The following RIBC1 variants were observed in gnomAD, a reference collection of about 807,000 sequenced individuals.
RIBC1 encodes RIB43A domain with coiled-coils 1, also known as RIB43A-like with coiled-coils protein 1.
RIBC1 carries 12 observed loss-of-function variants against 33.7 expected under a neutral mutation model. That is an observed-to-expected ratio of 0.36 (90% CI 0.23 to 0.58). The LOEUF (loss-of-function observed/expected upper bound fraction) is 0.58, where lower values mean the gene tolerates loss of function less well. Ranked by LOEUF, RIBC1 falls within the 20% of genes least tolerant of loss-of-function variation. RIBC1 has a pLI of 0.81. For synonymous variants in RIBC1, 89 were observed against 109.0 expected, an observed-to-expected ratio of 0.82 and a Z score of 1.14; for missense variants, 242 against 311.6, an observed-to-expected ratio of 0.78 and a Z score of 1.68.
At chrX:53,425,546 G>A (rs868928123) in intron 2 of RIBC1, among the ~76,000 whole-genome samples, 1 of 106,172 alleles carries the variant, frequency 9.4e-6, no homozygotes, top group Non-Finnish European at 1.9e-5. Flanking sequence ...AAAAAAGGGT[G>A]GGGGGACATA....
Position 53,431,050 on chromosome X carries a change from A to G in RIBC1, c.*62A>G, listed in dbSNP as rs1250635308. ...TCAAGCTCACAGGTGGTTAGGAGTC[A>G]AAGAGAAAAATGCTGCATACTCCCA... On this transcript the variant is annotated 3_prime_UTR_variant, in exon 8 of 8. Coordinates refer to ENST00000375327, the MANE Select transcript of RIBC1 (RefSeq NM_001031745.5). 12 of 1,204,573 alleles carry G rather than the reference A, an allele frequency of 1.0e-5. No individual in the cohort carries two copies. The highest frequency in any genetic ancestry group is 1.3e-5 in the Non-Finnish European group (12 of 891,719).
intron 5 of RIBC1, chrX:53,429,376 T>C (rs2075809604): frequency 8.6e-6 from 1 of 116,854 alleles, no homozygotes; most frequent in African/African-American, 3.2e-5. Flanking sequence ...AAAATGTATT[T>C]CAAGGATCAC....
rs368340933 is a variant in RIBC1, at chrX:53,425,241, G to A, written c.1-1036G>A. Among the ~76,000 whole-genome samples the A allele has an allele frequency of 2.0e-4, 22 of 111,175 alleles. No homozygotes were observed. The East Asian group carries it at 2.5e-3, about 13-fold the overall frequency. On this transcript the variant is annotated intron_variant, in intron 2 of 7. Coordinates refer to ENST00000375327, the MANE Select transcript of RIBC1 (RefSeq NM_001031745.5). ...AGCTTGCCTGGAGCACTGTAAGCAA[G>A]GGAGACAGTGGTTTGAGACAAATTG...
chrX:53,428,914 T>A (rs966129334), intron 5 of RIBC1: 6 of 759,528 alleles, frequency 7.9e-6, no homozygotes, highest in Non-Finnish European at 1.0e-5. Context: ...AAATGAATTT[T>A]CCCTTCTGTG....
At chrX:53,425,630 A>C (rs2075787700) in intron 2 of RIBC1, among the ~76,000 whole-genome samples, 1 of 110,263 alleles carries the variant, frequency 9.1e-6, no homozygotes. Context: ...CTGGAATACC[A>C]ACATGGAGAC....
chrX:53,429,798 G>A lies in RIBC1; in HGVS notation c.545-56G>A, dbSNP rs1472773845. The stretch of plus-strand genomic sequence containing the variant: ...ACTTGCTGAACAAATGGCTGGATGA[G>A]TGAAACAGGAATGGAGCAAGCCAGT... On this transcript the variant is annotated intron_variant, in intron 5 of 7. Transcript: ENST00000375327. The A allele has an allele frequency of 2.6e-6, 3 of 1,164,985 alleles. No individual in the cohort carries two copies. The African/African-American group carries it at 5.3e-5, about 21-fold the overall frequency.
At position 53,429,638 on chromosome X, in the gene RIBC1, T is replaced by C. The variant is rs781789842; in HGVS notation, c.545-216T>C. 4 of 993,700 alleles carry C rather than the reference T, an allele frequency of 4.0e-6. No individual in the cohort carries two copies. In the East Asian group the frequency reaches 1.4e-4, roughly 35 times the overall value. 81.9% of individuals were successfully genotyped at this position (993,700 alleles called of 1,213,427 possible). ...AGCTCAGAAGCAGCAGAACTGACAT[T>C]GGGACCCAGGTCCATTGGAGGCATC... On this transcript the variant is annotated intron_variant, in intron 5 of 7. Coordinates refer to ENST00000375327, the MANE Select transcript of RIBC1 (RefSeq NM_001031745.5).
At position 53,428,359 on chromosome X, in the gene RIBC1, C is replaced by T. The variant is rs782133890; in HGVS notation, c.276C>T (p.Ala92=). ...KEEADRTRQL[A]KKVQEFREQK... is the part of the protein sequence containing the mutation. ...AGGCAGATCGAACACGTCAGCTGGC[C>T]AAGAAAGTCCAGGAGTTTCGGGAGC... The change falls in exon 5 of 8, where the codon GCC becomes GCT. Residue 92 remains alanine, a synonymous_variant. Transcript: ENST00000375327. 5.8e-6 allele frequency: 7 copies of T among 1,211,733 alleles called. No individual in the cohort carries two copies. The East Asian group carries it at 8.9e-5, about 15-fold the overall frequency.
chrX:53,429,641 G>GA, intron 5 of RIBC1: 3 of 1,002,524 alleles, frequency 3.0e-6, no homozygotes, highest in Admixed American at 4.1e-5. Flanking sequence ...CTGACATTGG[G>GA]ACCCAGGTCC....
chrX:53,429,931 G>A lies in RIBC1; in HGVS notation c.622G>A (p.Ala208Thr). The change falls in exon 6 of 8, where the codon GCG (alanine) becomes ACG (threonine). Residue 208 changes from alanine to threonine, a missense_variant. Coordinates refer to ENST00000375327, the MANE Select transcript of RIBC1 (RefSeq NM_001031745.5). ...GGCCAGGCTGGAGGAGTCCTGTCGT[G>A]CGGCCATGATGTGTGCCATGGCCAA... Reference protein sequence around the residue: ...HLARLEESCRAAMMCAMANAN... With the variant: ...HLARLEESCRTAMMCAMANAN... The A allele has an allele frequency of 1.7e-6, 2 of 1,211,051 alleles. No homozygotes were observed. The highest frequency in any genetic ancestry group is 3.5e-5 in the African/African-American group (2 of 57,948).
At chrX:53,424,527 A>AT (rs1452248047) in intron 2 of RIBC1, among the ~76,000 whole-genome samples, 4 of 108,599 alleles carry the variant, frequency 3.7e-5, no homozygotes, top group Non-Finnish European at 5.7e-5. Flanking sequence ...CGCCTGGCTA[A>AT]TTTTTTTGTA....
At chrX:53,429,495 C>G (rs782767851) in intron 5 of RIBC1, 1 of 178,604 alleles carries the variant, frequency 5.6e-6, no homozygotes, top group Non-Finnish European at 1.0e-5. Flanking sequence ...GATCTGTGTC[C>G]CCAACTAGAC....
At chrX:53,428,856 C>G (rs1169397785) in intron 5 of RIBC1, 7 of 1,021,797 alleles carry the variant, frequency 6.9e-6, no homozygotes, top group Non-Finnish European at 8.7e-6. Context: ...GGAGGCAGCA[C>G]AGTGCAGACA....
chrX:53,426,186 G>A, intron 2 of RIBC1, 91 bp from the exon 3 acceptor site: 1 of 577,110 alleles, frequency 1.7e-6, no homozygotes. Context: ...AATAACTGCT[G>A]AAATATTATA....
At chrX:53,424,075 AAAAT>A (rs1365515828) in intron 2 of RIBC1, among the ~76,000 whole-genome samples, 4 of 110,364 alleles carry the variant, frequency 3.6e-5, no homozygotes, top group African/African-American at 1.3e-4. Context: ...CCCTGTCTCA[AAAAT>A]AAATAAAGGG....
rs868928123 is a variant in RIBC1 at position 53,425,546 on chromosome X, G to C, written c.1-731G>C. On this transcript the variant is annotated intron_variant, in intron 2 of 7. Transcript: ENST00000375327. ...AAAAAAAAAAAAAAAAAAAAAGGGTGGGGGGACATATATTTCAGAAAAGAA... is the reference window on the plus strand; with the variant it reads ...AAAAAAAAAAAAAAAAAAAAAGGGTCGGGGGACATATATTTCAGAAAAGAA... Among the ~76,000 whole-genome samples the C allele has an allele frequency of 4.7e-5, 5 of 106,172 alleles. No homozygotes were observed. The East Asian group carries it at 8.7e-4, about 19-fold the overall frequency. 92.2% of individuals were successfully genotyped at this position (106,172 alleles called of 115,157 possible). A position where few individuals can be genotyped will look rare whatever the true frequency, so the allele number is the denominator to read the frequency against.
At chrX:53,426,522 AAG>A in intron 3 of RIBC1, 129 bp downstream of exon 3, 3 of 504,281 alleles carry the variant, frequency 5.9e-6, no homozygotes, top group Non-Finnish European at 1.0e-5. Flanking sequence ...CAGGAAAGGA[AAG>A]AGAGGGAGAG....
chrX:53,429,800 G>T, intron 5 of RIBC1, 54 bp from the exon 6 acceptor site: 1 of 1,166,747 alleles, frequency 8.6e-7, no homozygotes, highest in South Asian at 2.0e-5. Flanking sequence ...CTGGATGAGT[G>T]AAACAGGAAT....
At chrX:53,426,133 G>A in intron 2 of RIBC1, 144 bp from the exon 3 acceptor site, 1 of 447,232 alleles carries the variant, frequency 2.2e-6, no homozygotes, top group South Asian at 3.4e-5. Context: ...GAGATGGAGG[G>A]CACAGATACG....
Sources: gnomAD v4.1 joint callset for allele counts (sites outside exome capture counted in the v4.1 genomes callset) on GRCh38, gnomAD v4.1.1 for gene constraint, MANE v1.5 for transcripts, NCBI Gene and HGNC (gene_info 2026-07-23, HGNC 2026-07-21) for gene names.